The following CCDC102B variants were observed in gnomAD, a reference collection of about 807,000 sequenced individuals.
CCDC102B encodes the protein coiled-coil domain containing 102B, also known as coiled-coil domain-containing protein 102B.
A neutral mutation model predicts 57.4 loss-of-function variants in CCDC102B; 75 were observed. That is an observed-to-expected ratio of 1.31 (90% confidence interval 1.08 to 1.58). The LOEUF is 1.58. CCDC102B is among the 40% of genes most tolerant of loss of function. CCDC102B has a pLI of 0.00. For missense variants in CCDC102B, 636 were observed against 582.6 expected (o/e 1.09, Z -0.94); for synonymous variants, 206 against 201.9 (o/e 1.02, Z -0.17).
chr18:69,056,953 A>T (rs572253535), downstream of CCDC102B, among the ~76,000 whole-genome samples: 4 of 152,124 alleles, frequency 2.6e-5, no homozygotes, highest in East Asian at 7.8e-4. Context: ...TCTCCTTTAG[A>T]TACCTCATAT....
chr18:68,762,060 T>C (rs527304235), intron 2 of CCDC102B, among the ~76,000 whole-genome samples: 1 of 152,306 alleles, frequency 6.6e-6, no homozygotes, highest in African/African-American at 2.4e-5. Context: ...ACAGTTACAG[T>C]AGTCTCCCCT....
At chr18:68,976,397 A>G (rs945081664) in intron 6 of CCDC102B, among the ~76,000 whole-genome samples, 4 of 152,036 alleles carry the variant, frequency 2.6e-5, no homozygotes, top group African/African-American at 9.7e-5. Context: ...GAAAAGGAAT[A>G]TTTTAAAAAC....
intron 6 of CCDC102B, among the ~76,000 whole-genome samples, chr18:68,923,169 G>GTT (rs34466326): frequency 3.7e-4 from 55 of 148,760 alleles, no homozygotes; most frequent in African/African-American, 3.4e-4. Context: ...TACACATACA[G>GTT]TTTTTTTTTT....
intron 6 of CCDC102B, among the ~76,000 whole-genome samples, chr18:68,971,273 C>G (rs1456435109): frequency 6.6e-6 from 1 of 152,032 alleles, no homozygotes; most frequent in Non-Finnish European, 1.5e-5. Flanking sequence ...CTCCATCTTA[C>G]TGTTGTTTTA....
At chr18:68,796,093 G>T (rs552431210), upstream of CCDC102B, among the ~76,000 whole-genome samples, 1 of 152,118 alleles carries the variant, frequency 6.6e-6, no homozygotes, top group African/African-American at 2.4e-5. Context: ...CATAAGTACC[G>T]GAAATAGACT....
At chr18:68,852,610 A>AT (rs960518403) in intron 4 of CCDC102B, among the ~76,000 whole-genome samples, 2 of 151,536 alleles carry the variant, frequency 1.3e-5, no homozygotes, top group East Asian at 1.9e-4. Context: ...AACTCATAGA[A>AT]TTTTTTTTTC....
chr18:68,908,690 T>C (rs2040730734), intron 6 of CCDC102B: 2 of 152,202 alleles, frequency 1.3e-5, no homozygotes, highest in Admixed American at 6.5e-5. Flanking sequence ...TCACAACTTA[T>C]TACTATAAAA....
chr18:68,910,934 AAC>A (rs2040818820), intron 6 of CCDC102B, among the ~76,000 whole-genome samples: 1 of 151,698 alleles, frequency 6.6e-6, no homozygotes, highest in Non-Finnish European at 1.5e-5. Context: ...AAAAAAAAAA[AAC>A]AGATGATGGT....
At chr18:68,715,247 C>A (rs2031867843) in exon 1 of CCDC102B, 1 of 1,342,082 alleles carries the variant, frequency 7.5e-7, no homozygotes. Flanking sequence ...TGCCCCCCTC[C>A]ACGCCCAGGA....
rs753248663 is a variant in CCDC102B at position 68,837,371 on chromosome 18, T to C, written c.606+2T>C. 1 of 1,596,066 alleles carries C rather than the reference T, an allele frequency of 6.3e-7. No individual in the cohort carries two copies. The highest frequency in any genetic ancestry group is 1.1e-5 in the South Asian group (1 of 88,198). ...ACAAAGGAGGACACAAATAATAAGGTAAGAAAAAAATCCAGAGATGATGTG... is the reference window on the plus strand; with the variant it reads ...ACAAAGGAGGACACAAATAATAAGGCAAGAAAAAAATCCAGAGATGATGTG... On this transcript the variant is annotated splice_donor_variant, in intron 2 of 7. Transcript: ENST00000360242. LOFTEE classifies it high-confidence loss of function.
intron 1 of CCDC102B, among the ~76,000 whole-genome samples, chr18:68,823,156 G>C (rs934514957): frequency 3.3e-5 from 5 of 152,140 alleles, no homozygotes; most frequent in African/African-American, 1.2e-4. Context: ...TGCTTCATTC[G>C]CATAGGTTGT....
At chr18:68,994,886 A>G (rs2050979934) in intron 6 of CCDC102B, among the ~76,000 whole-genome samples, 1 of 152,240 alleles carries the variant, frequency 6.6e-6, no homozygotes. Flanking sequence ...AAAATGTGGA[A>G]GGAACGTTGG....
At chr18:69,051,027 G>A (rs2052691224) in intron 7 of CCDC102B, among the ~76,000 whole-genome samples, 3 of 152,032 alleles carry the variant, frequency 2.0e-5, no homozygotes, top group Admixed American at 2.0e-4. Context: ...TGAGACTACA[G>A]GCACGTGCCA....
chr18:68,765,517 GAAAGAAATAGA>G (rs2034441802), intron 2 of CCDC102B, among the ~76,000 whole-genome samples: 1 of 151,760 alleles, frequency 6.6e-6, no homozygotes, highest in South Asian at 2.1e-4. Context: ...GAAAGAAAGA[GAAAGAAATAGA>G]AAGAGAAAAT....
intron 6 of CCDC102B, among the ~76,000 whole-genome samples, chr18:68,964,796 C>T (rs1278933922): frequency 1.3e-5 from 2 of 151,866 alleles, no homozygotes; most frequent in Non-Finnish European, 2.9e-5. Flanking sequence ...TTACTTTTGG[C>T]ACATCTGAGA....
rs770668683 is a variant in CCDC102B at position 69,009,924 on chromosome 18, ATTTT to A, written c.1264-988_1264-985del. Among the ~76,000 whole-genome samples the A allele has an allele frequency of 9.8e-4, 33 of 33,530 alleles. 1 individual carries two copies. The South Asian group carries it at 0.012, about 12-fold the overall frequency. The allele number at this position is 33,530 out of a possible 152,430, so 22.0% of individuals were successfully genotyped here. On this transcript the variant is annotated intron_variant, in intron 6 of 7. Transcript: ENST00000360242. ...CTTTTTCTTTATAGTTTTAATAAAG[ATTTT>A]TTTTTTTTTTTTTTTTTTTTTGAGA...
intron 6 of CCDC102B, among the ~76,000 whole-genome samples, chr18:68,909,628 C>A (rs1599673445): frequency 6.6e-6 from 1 of 152,098 alleles, no homozygotes; most frequent in African/African-American, 2.4e-5. Flanking sequence ...ATTGAATATA[C>A]AAAATATAAT....
At chr18:68,944,171 C>A (rs938540983) in intron 6 of CCDC102B, among the ~76,000 whole-genome samples, 2 of 152,044 alleles carry the variant, frequency 1.3e-5, no homozygotes, top group Admixed American at 1.3e-4. Context: ...CTCTTAATGT[C>A]TTGTAAATCA....
intron 2 of CCDC102B, among the ~76,000 whole-genome samples, chr18:68,765,378 A>AAAG (rs1568239061): frequency 1.2e-3 from 156 of 132,544 alleles, no homozygotes; most frequent in African/African-American, 4.2e-3. Context: ...AGAAAGAAAG[A>AAAG]AAAGAAAGAA....
Sources: allele counts gnomAD v4.1 joint callset (sites outside exome capture counted in the v4.1 genomes callset), GRCh38; gene constraint gnomAD v4.1.1; transcripts MANE v1.5; gene names NCBI Gene and HGNC (gene_info 2026-07-23, HGNC 2026-07-21).